TANC2: variants seen among roughly 807,000 people sequenced by gnomAD.
TANC2 encodes protein TANC2.
A neutral mutation model predicts 210.5 loss-of-function variants in TANC2; 26 were observed. The observed-to-expected ratio is 0.12, with a 90% CI of 0.09 to 0.17. The LOEUF is 0.17. Among genes scored for constraint, TANC2 ranks in the 10% least tolerant of loss-of-function variants. The pLI is 1.00. For missense variants in TANC2, 2,129 were observed against 2,608.9 expected (o/e 0.82, Z 4.01); for synonymous variants, 931 against 967.1 (o/e 0.96, Z 0.69).
intron 15 of TANC2, among the ~76,000 whole-genome samples, chr17:63,387,043 G>A (rs1042775652): frequency 5.9e-5 from 9 of 151,938 alleles, no homozygotes; most frequent in Admixed American, 2.0e-4. Context: ...TTGTAAAGAT[G>A]TAGTCTCCCT....
At chr17:63,261,979 C>G (rs566663018) in intron 8 of TANC2, among the ~76,000 whole-genome samples, 149 of 152,190 alleles carry the variant, frequency 9.8e-4, no homozygotes, top group Non-Finnish European at 1.9e-3. Flanking sequence ...TCCTCAAACT[C>G]TGACACAGTC....
exon 28 of TANC2, chr17:63,427,502 CCT>C (rs2049172494): frequency 6.6e-6 from 1 of 152,248 alleles, no homozygotes; most frequent in South Asian, 2.1e-4. Context: ...GGCATCTACC[CCT>C]GTGTATAAGG....
intron 2 of TANC2, among the ~76,000 whole-genome samples, chr17:63,063,190 G>A (rs2036057973): frequency 6.6e-6 from 1 of 152,196 alleles, no homozygotes; most frequent in Non-Finnish European, 1.5e-5. Flanking sequence ...CAGGGTATTG[G>A]ATAAAGAGCC....
chr17:63,302,621 TTTTTTTG>T, intron 9 of TANC2, among the ~76,000 whole-genome samples: 1 of 142,898 alleles, frequency 7.0e-6, no homozygotes, highest in South Asian at 2.3e-4. Context: ...TTTTTTTTTT[TTTTTTTG>T]CTTTCCATTT....
At chr17:63,235,619 C>A (rs1567840232) in intron 7 of TANC2, among the ~76,000 whole-genome samples, 1 of 151,996 alleles carries the variant, frequency 6.6e-6, no homozygotes, top group Non-Finnish European at 1.5e-5. Flanking sequence ...TTTAGGTCAT[C>A]CTTTATAATT....
chr17:63,364,896 T>G (rs1027943117), intron 14 of TANC2, among the ~76,000 whole-genome samples: 1 of 152,172 alleles, frequency 6.6e-6, no homozygotes, highest in Non-Finnish European at 1.5e-5. Flanking sequence ...AAAATACATA[T>G]AGAGCTTTTT....
chr17:63,148,377 C>T (rs906373795), intron 4 of TANC2: 2 of 152,154 alleles, frequency 1.3e-5, no homozygotes, highest in African/African-American at 4.8e-5. Flanking sequence ...AGTTAAGCCT[C>T]ATAACAATAC....
chr17:63,422,034 C>G (rs1164882081), exon 28 of TANC2: 1 of 1,493,274 alleles, frequency 6.7e-7, no homozygotes, highest in Non-Finnish European at 9.0e-7. Context: ...AGGTAGTTCT[C>G]TGGCTTAATT....
At chr17:63,226,341 C>T (rs2042328459) in intron 7 of TANC2, among the ~76,000 whole-genome samples, 1 of 152,082 alleles carries the variant, frequency 6.6e-6, no homozygotes, top group Admixed American at 6.5e-5. Flanking sequence ...GCCTCGGTTG[C>T]CCTTAGGAGA....
intron 4 of TANC2, among the ~76,000 whole-genome samples, chr17:63,144,398 T>C (rs975177842): frequency 2.0e-5 from 3 of 152,192 alleles, no homozygotes; most frequent in African/African-American, 7.2e-5. Flanking sequence ...ACTGCATACA[T>C]GTTATATTTC....
intron 5 of TANC2, among the ~76,000 whole-genome samples, chr17:63,183,150 G>A (rs748368287): frequency 1.3e-5 from 2 of 152,162 alleles, no homozygotes; most frequent in Admixed American, 6.5e-5. Context: ...GTTGAACCTT[G>A]ACTCTTGAGT....
intron 3 of TANC2, among the ~76,000 whole-genome samples, chr17:63,096,762 T>A (rs2037402145): frequency 6.6e-6 from 1 of 152,192 alleles, no homozygotes; most frequent in African/African-American, 2.4e-5. Flanking sequence ...TTTGGGTATA[T>A]ACAAAGGAGT....
At chr17:63,144,089 G>A (rs1301881869) in intron 4 of TANC2, among the ~76,000 whole-genome samples, 5 of 152,070 alleles carry the variant, frequency 3.3e-5, no homozygotes, top group African/African-American at 7.2e-5. Flanking sequence ...ATTCTTTATG[G>A]TATATATTCT....
chr17:63,193,097 C>A (rs533115482), intron 5 of TANC2, among the ~76,000 whole-genome samples: 2 of 152,108 alleles, frequency 1.3e-5, no homozygotes, highest in African/African-American at 4.8e-5. Flanking sequence ...TTTGCCTTTT[C>A]ATTTTATCAA....
intron 3 of TANC2, among the ~76,000 whole-genome samples, chr17:63,085,294 A>G (rs931985095): frequency 6.6e-6 from 1 of 152,034 alleles, no homozygotes; most frequent in African/African-American, 2.4e-5. Flanking sequence ...TAATTGGTAT[A>G]TTTAGATTAT....
chr17:63,322,096 A>G (rs1265769553), intron 11 of TANC2, among the ~76,000 whole-genome samples: 2 of 152,306 alleles, frequency 1.3e-5, no homozygotes, highest in African/African-American at 4.8e-5. Context: ...GTACATCCTC[A>G]TCTATAAATG....
At chr17:63,177,292 T>G (rs1210894943) in intron 5 of TANC2, among the ~76,000 whole-genome samples, 3 of 149,386 alleles carry the variant, frequency 2.0e-5, no homozygotes, top group East Asian at 3.9e-4. Context: ...AACACAAAAT[T>G]TATTGAATTG....
chr17:63,249,534 A>G (rs2043000898), intron 8 of TANC2, among the ~76,000 whole-genome samples: 1 of 152,210 alleles, frequency 6.6e-6, no homozygotes, highest in Non-Finnish European at 1.5e-5. Context: ...AGGTCTATCA[A>G]GGAAACATAC....
At chr17:63,219,646 G>C (rs550302854) in intron 7 of TANC2, among the ~76,000 whole-genome samples, 1 of 152,000 alleles carries the variant, frequency 6.6e-6, no homozygotes, top group Non-Finnish European at 1.5e-5. Context: ...CCTGACCTTA[G>C]GTGATCCACC....
Sources: allele counts gnomAD v4.1 joint callset (sites outside exome capture counted in the v4.1 genomes callset), GRCh38; gene constraint gnomAD v4.1.1; transcripts MANE v1.5; gene names NCBI Gene and HGNC (gene_info 2026-07-23, HGNC 2026-07-21).